The following SPECC1 variants were observed in gnomAD, a reference collection of about 807,000 sequenced individuals.
The protein encoded by SPECC1 is sperm antigen with calponin homology and coiled-coil domains 1.
SPECC1 carries 62 observed loss-of-function variants against 104.1 expected under a neutral mutation model. That is an observed-to-expected ratio of 0.60 (90% CI 0.49 to 0.74). The LOEUF (loss-of-function observed/expected upper bound fraction) is 0.74, where lower values mean the gene tolerates loss of function less well. SPECC1 is among the 30% of genes least tolerant of loss of function. The probability of loss-of-function intolerance (pLI) is 0.00; values close to 1 mark genes in which losing one functional copy is unlikely to be tolerated. For missense variants in SPECC1, 1,306 were observed against 1,310.5 expected (o/e 1.00, Z 0.05); for synonymous variants, 513 against 501.6 (o/e 1.02, Z -0.30).
At chr17:20,155,096 G>A (rs2032344206) in intron 3 of SPECC1, among the ~76,000 whole-genome samples, 1 of 152,160 alleles carries the variant, frequency 6.6e-6, no homozygotes, top group Admixed American at 6.6e-5. Context: ...GTAAATCAAA[G>A]ACCAAGAGAG....
chr17:20,301,136 G>A (rs1042706151), intron 13 of SPECC1, among the ~76,000 whole-genome samples: 19 of 152,150 alleles, frequency 1.2e-4, no homozygotes, highest in African/African-American at 4.3e-4. Flanking sequence ...GGTGAGAGAG[G>A]CCATATCTAT....
chr17:20,247,106 C>T, intron 8 of SPECC1, 113 bp from the exon 9 acceptor site: 1 of 718,110 alleles, frequency 1.4e-6, no homozygotes. Context: ...AAATATTACA[C>T]TAAACACGGA....
At chr17:20,242,393 G>C (rs1432786030) in intron 7 of SPECC1, among the ~76,000 whole-genome samples, 1 of 152,218 alleles carries the variant, frequency 6.6e-6, no homozygotes, top group Non-Finnish European at 1.5e-5. Context: ...TCAGTGAGGA[G>C]GGCCATGTGC....
chr17:20,282,916 C>CGA (rs1403236600), intron 12 of SPECC1, among the ~76,000 whole-genome samples: 1 of 152,072 alleles, frequency 6.6e-6, no homozygotes, highest in Non-Finnish European at 1.5e-5. Flanking sequence ...CAGTGGCTCA[C>CGA]GCCTGTAATC....
chr17:20,115,662 A>G (rs543900391), intron 3 of SPECC1, among the ~76,000 whole-genome samples: 38 of 152,330 alleles, frequency 2.5e-4, no homozygotes, highest in African/African-American at 9.1e-4. Flanking sequence ...AGGCCAAAGA[A>G]GAAAAACTGT....
In SPECC1 at chr17:20,268,611, G is replaced by A. The variant is rs574645514; in HGVS notation, c.2940+8317G>A. Among the ~76,000 whole-genome samples, 13 of 152,294 alleles carry A rather than the reference G, an allele frequency of 8.5e-5. No homozygotes were observed. In the East Asian group the frequency reaches 2.1e-3, roughly 25 times the overall value. ...GATAGAGTCTCAATAGCAGATGCGCGGCACTGTGGGCTTCCACTCTATTGA... is the reference window on the plus strand; with the variant it reads ...GATAGAGTCTCAATAGCAGATGCGCAGCACTGTGGGCTTCCACTCTATTGA... On this transcript the variant is annotated intron_variant, in intron 12 of 14. Transcript: ENST00000395527.
intron 3 of SPECC1, chr17:20,155,998 GA>G: frequency 1.6e-6 from 2 of 1,282,722 alleles, no homozygotes; most frequent in Non-Finnish European, 2.0e-6. Flanking sequence ...TGATGCAGAT[GA>G]GGGGGCGGGG....
At chr17:20,189,157 A>T (rs1409347539) in intron 3 of SPECC1, among the ~76,000 whole-genome samples, 2 of 152,188 alleles carry the variant, frequency 1.3e-5, no homozygotes, top group Non-Finnish European at 2.9e-5. Flanking sequence ...TGAATATGGC[A>T]GATCTTTTAG....
chr17:20,040,158 T>TA (rs1461398778), intron 1 of SPECC1, among the ~76,000 whole-genome samples: 1 of 151,980 alleles, frequency 6.6e-6, no homozygotes, highest in East Asian at 1.9e-4. Context: ...TATGTATATA[T>TA]ATATATACAC....
intron 12 of SPECC1, among the ~76,000 whole-genome samples, chr17:20,268,413 T>G (rs2040287316): frequency 6.6e-6 from 1 of 152,258 alleles, no homozygotes. Context: ...AAACAAGCAC[T>G]AAAATCTGCT....
intron 1 of SPECC1, among the ~76,000 whole-genome samples, chr17:20,036,426 G>A (rs1471025458): frequency 1.3e-5 from 2 of 152,100 alleles, no homozygotes; most frequent in African/African-American, 4.8e-5. Context: ...CACTGTGCCT[G>A]GCCAAAATCA....
At chr17:20,220,495 C>T (rs951368877) in intron 4 of SPECC1, among the ~76,000 whole-genome samples, 13 of 150,584 alleles carry the variant, frequency 8.6e-5, no homozygotes, top group Admixed American at 8.6e-4. Flanking sequence ...TATAAAAATG[C>T]TACTGATTTT....
intron 7 of SPECC1, among the ~76,000 whole-genome samples, chr17:20,244,003 G>A (rs1186345277): frequency 6.6e-6 from 1 of 152,034 alleles, no homozygotes; most frequent in Admixed American, 6.6e-5. Context: ...GATTGTCTGA[G>A]CTCAGGAGGT....
chr17:20,060,648 A>G (rs753473250), intron 1 of SPECC1, among the ~76,000 whole-genome samples: 8 of 152,182 alleles, frequency 5.3e-5, no homozygotes, highest in Admixed American at 1.3e-4. Flanking sequence ...TGGGTGGTAC[A>G]TCTCTTGACA....
intron 1 of SPECC1, among the ~76,000 whole-genome samples, chr17:20,075,570 A>G (rs949126603): frequency 6.6e-5 from 10 of 152,168 alleles, no homozygotes; most frequent in African/African-American, 2.4e-4. Flanking sequence ...CAGGAGGAGA[A>G]GAAGGAGGAT....
rs1332204061 is a variant in SPECC1 at position 20,194,764 on chromosome 17, A to G, written c.284-9569A>G. On this transcript the variant is annotated intron_variant, in intron 3 of 14. Transcript: ENST00000395527. Reference sequence around the variant, plus strand: ...CGAGACCCACCCGCCTCGGCCTCCCAAAGTGCTGGGATTACAGGTGTGAGC... The same window carrying G: ...CGAGACCCACCCGCCTCGGCCTCCCGAAGTGCTGGGATTACAGGTGTGAGC... Among the ~76,000 whole-genome samples, 3 of 151,994 alleles carry G rather than the reference A, an allele frequency of 2.0e-5. No individual in the cohort carries two copies. The East Asian group carries it at 5.8e-4, about 29-fold the overall frequency.
chr17:20,306,224 C>A, intron 14 of SPECC1, 142 bp downstream of exon 14: 1 of 648,376 alleles, frequency 1.5e-6, no homozygotes, highest in South Asian at 2.1e-5. Flanking sequence ...TAGAGTTATC[C>A]AGTTGATATA....
chr17:20,244,574 T>G (rs1240784401), intron 7 of SPECC1, among the ~76,000 whole-genome samples: 2 of 152,182 alleles, frequency 1.3e-5, no homozygotes, highest in African/African-American at 4.8e-5. Flanking sequence ...CTGTTTCTCT[T>G]AAATTTATTC....
intron 1 of SPECC1, among the ~76,000 whole-genome samples, chr17:20,020,554 A>G (rs4925068): frequency 0.99 from 151,371 of 152,288 alleles, 75,258 homozygotes; most frequent in Middle Eastern, 1. Flanking sequence ...GGCTGATCTC[A>G]AACTCCTAAT....
Sources: allele counts gnomAD v4.1 joint callset (sites outside exome capture counted in the v4.1 genomes callset), GRCh38; gene constraint gnomAD v4.1.1; transcripts MANE v1.5; gene names NCBI Gene and HGNC (gene_info 2026-07-23, HGNC 2026-07-21).